PSMG4: variants seen among roughly 807,000 people sequenced by gnomAD.
PSMG4 encodes the protein proteasome (prosome, macropain) assembly chaperone 4.
PSMG4 carries 10 observed loss-of-function variants against 11.0 expected under a neutral mutation model. The ratio of observed to expected loss-of-function variants is 0.91; its 90% CI spans 0.56 to 1.54. PSMG4 has a LOEUF of 1.54. PSMG4 is among the 40% of genes most tolerant of loss of function. The probability of loss-of-function intolerance (pLI) is 0.00; values close to 1 mark genes in which losing one functional copy is unlikely to be tolerated. For missense variants in PSMG4, 198 were observed against 160.9 expected (o/e 1.23, Z -1.25); for synonymous variants, 95 against 71.3 (o/e 1.33, Z -1.68).
In PSMG4 at chr6:3,267,925, G is replaced by A. The variant is rs1213417389; in HGVS notation, c.*213G>A. 4.5e-6 allele frequency: 2 copies of A among 440,912 alleles called. No homozygotes were observed. Among genetic ancestry groups the A allele is most frequent in the African/African-American group, 3.9e-5 (2 of 50,784 alleles). The allele number at this position is 440,912 out of a possible 1,614,324, so 27.3% of individuals were successfully genotyped here. A position where few individuals can be genotyped will look rare whatever the true frequency, so the allele number is the denominator to read the frequency against. ...GTGGGCAGTATATACTTCCTCATTT[G>A]GCTGTGAGTGATAGAGGGATGAAAT... On this transcript the variant is annotated 3_prime_UTR_variant, in exon 3 of 3. Coordinates refer to ENST00000438998, the MANE Select transcript of PSMG4 (RefSeq NM_001128591.2).
At chr6:3,267,408 AGGCCTG>A in intron 2 of PSMG4, 177 bp from the exon 3 acceptor site, 1 of 512,688 alleles carries the variant, frequency 2.0e-6, no homozygotes, top group Non-Finnish European at 3.3e-6. Context: ...AGACTGGGAG[AGGCCTG>A]AGTGACTCGT....
chr6:3,266,747 ATATT>A (rs1047525298), intron 2 of PSMG4: 6 of 151,896 alleles, frequency 4.0e-5, no homozygotes, highest in African/African-American at 1.5e-4. Flanking sequence ...ACACACAAAT[ATATT>A]TGTGTGTATA....
chr6:3,264,163 C>G (rs147768133), intron 2 of PSMG4: 1 of 1,549,216 alleles, frequency 6.5e-7, no homozygotes, highest in Non-Finnish European at 8.7e-7. Flanking sequence ...GCAGGTGTCA[C>G]CTCTGTGCAG....
chr6:3,256,490 G>C (rs139815704), upstream of PSMG4, among the ~76,000 whole-genome samples: 119 of 152,338 alleles, frequency 7.8e-4, 3 homozygotes, highest in East Asian at 0.019. Flanking sequence ...CCTGTGATGT[G>C]TGGCCAGCCA....
chr6:3,255,871 TTTG>T (rs1489657963), upstream of PSMG4, among the ~76,000 whole-genome samples: 11 of 13,188 alleles, frequency 8.3e-4, no homozygotes, highest in Non-Finnish European at 5.7e-3. Flanking sequence ...TGCAAATTGT[TTTG>T]TCTTCCTCTT....
chr6:3,267,469 C>A, intron 2 of PSMG4, 122 bp from the exon 3 acceptor site: 2 of 1,138,558 alleles, frequency 1.8e-6, no homozygotes, highest in African/African-American at 1.6e-5. Context: ...GAGATTAGAG[C>A]TTTCTTTTCT....
At chr6:3,255,529 T>TGGGGGTCGTTCCCCA (rs1757732903), upstream of PSMG4, among the ~76,000 whole-genome samples, 4 of 152,080 alleles carry the variant, frequency 2.6e-5, no homozygotes, top group Admixed American at 6.5e-5. Flanking sequence ...TGCCCATGAG[T>TGGGGGTCGTTCCCCA]CTGTATAGAC....
intron 1 of PSMG4, among the ~76,000 whole-genome samples, chr6:3,260,321 T>A (rs9503502): frequency 0.7 from 89,750 of 129,098 alleles, 33,114 homozygotes; most frequent in Non-Finnish European, 0.82. Context: ...AAGCAAAGTC[T>A]TGCTCTGTCG....
At chr6:3,267,428 C>CAT in intron 2 of PSMG4, 163 bp from the exon 3 acceptor site, 1 of 698,934 alleles carries the variant, frequency 1.4e-6, no homozygotes, top group Non-Finnish European at 2.2e-6. Context: ...GACTCGTCTG[C>CAT]ATTTGCAGCA....
chr6:3,258,024 C>T (rs571297711), upstream of PSMG4, among the ~76,000 whole-genome samples: 1 of 152,124 alleles, frequency 6.6e-6, no homozygotes, highest in Admixed American at 6.5e-5. Context: ...TTTATAGTTC[C>T]AAGTTAAATC....
upstream of PSMG4, among the ~76,000 whole-genome samples, chr6:3,255,398 C>G (rs1451527136): frequency 3.3e-5 from 5 of 152,192 alleles, no homozygotes; most frequent in South Asian, 4.1e-4. Flanking sequence ...GATAACATGA[C>G]AAGGATTTTC....
At chr6:3,258,794 A>ACAACCAGGGACAGCTACTCCGCCCAGG (rs1757847969), upstream of PSMG4, 3 of 383,260 alleles carry the variant, frequency 7.8e-6, no homozygotes, top group South Asian at 1.4e-4. Flanking sequence ...GGCCAGCAAG[A>ACAACCAGGGACAGCTACTCCGCCCAGG]CAACCAGGGA....
At chr6:3,254,418 G>A (rs987307729), upstream of PSMG4, among the ~76,000 whole-genome samples, 3 of 151,318 alleles carry the variant, frequency 2.0e-5, no homozygotes, top group Admixed American at 1.3e-4. Flanking sequence ...GCACATCTGA[G>A]GAGGTATGGC....
At chr6:3,254,461 G>C (rs1395606462), upstream of PSMG4, among the ~76,000 whole-genome samples, 4 of 150,752 alleles carry the variant, frequency 2.7e-5, no homozygotes, top group Admixed American at 6.6e-5. Context: ...CTTTTTTTGT[G>C]TGTCTTTTTA....
At chr6:3,254,416 G>C (rs186359903), upstream of PSMG4, among the ~76,000 whole-genome samples, 50 of 151,860 alleles carry the variant, frequency 3.3e-4, no homozygotes, top group Admixed American at 3.1e-3. Flanking sequence ...TGGCACATCT[G>C]AGGAGGTATG....
intron 1 of PSMG4, among the ~76,000 whole-genome samples, chr6:3,259,404 T>TGTCCCGCCGCCCCGCAGCTGC (rs910261548): frequency 5.3e-5 from 8 of 152,170 alleles, no homozygotes; most frequent in African/African-American, 1.7e-4. Context: ...CCCCTCTCCT[T>TGTCCCGCCGCCCCGCAGCTGC]GTCCCGCCGC....
chr6:3,267,742 T>C lies in PSMG4; in HGVS notation c.*30T>C. 11 of 1,546,954 alleles carry C rather than the reference T, an allele frequency of 7.1e-6. No individual in the cohort carries two copies. Among genetic ancestry groups the C allele is most frequent in the Non-Finnish European group, 9.6e-6 (11 of 1,143,266 alleles). On this transcript the variant is annotated 3_prime_UTR_variant, in exon 3 of 3. Coordinates refer to ENST00000438998, the MANE Select transcript of PSMG4 (RefSeq NM_001128591.2). The stretch of plus-strand genomic sequence containing the variant: ...GTGGCAGAAGTGAGAATTTGTAAAC[T>C]TATGTACAATGTACGTGTAAATAAA...
intron 1 of PSMG4, among the ~76,000 whole-genome samples, chr6:3,261,079 G>A (rs1757973370): frequency 6.6e-6 from 1 of 152,182 alleles, no homozygotes; most frequent in Non-Finnish European, 1.5e-5. Context: ...GGCCCCCTCA[G>A]CGAGACCCTT....
At chr6:3,264,459 C>T (rs1182926289) in intron 2 of PSMG4, 1 of 1,421,816 alleles carries the variant, frequency 7.0e-7, no homozygotes. Context: ...TTCTCTGTGT[C>T]TCAGGCACAG....
Sources: allele counts gnomAD v4.1 joint callset (sites outside exome capture counted in the v4.1 genomes callset), GRCh38; gene constraint gnomAD v4.1.1; transcripts MANE v1.5; gene names NCBI Gene and HGNC (gene_info 2026-07-23, HGNC 2026-07-21).